SRRM4: variants seen among roughly 807,000 people sequenced by gnomAD.
SRRM4 encodes the protein serine/arginine repetitive matrix protein 4.
In SRRM4, 33 loss-of-function variants were observed where a neutral mutation model predicts 68.9. The observed-to-expected ratio is 0.48, with a 90% CI of 0.36 to 0.64. The LOEUF (loss-of-function observed/expected upper bound fraction) is 0.64, where lower values mean the gene tolerates loss of function less well. SRRM4 is among the 30% of genes least tolerant of loss of function. The pLI, the probability that SRRM4 is intolerant of heterozygous loss-of-function variation, is 0.00. For synonymous variants in SRRM4, 318 were observed against 318.8 expected, an observed-to-expected ratio of 1.00 and a Z score of 0.03; for missense variants, 817 against 827.1, an observed-to-expected ratio of 0.99 and a Z score of 0.15.
At chr12:119,074,464 G>A (rs1953896510) in intron 1 of SRRM4, among the ~76,000 whole-genome samples, 2 of 152,180 alleles carry the variant, frequency 1.3e-5, no homozygotes, top group Admixed American at 6.5e-5. Flanking sequence ...GTGCCTATAA[G>A]CCTTGTGGTA....
Position 119,154,972 on chromosome 12 carries a change from A to G in SRRM4, c.1532+589A>G, listed in dbSNP as rs1413573175. Among the ~76,000 whole-genome samples, 2 of 152,210 alleles carry G rather than the reference A, an allele frequency of 1.3e-5. No individual in the cohort carries two copies. Among genetic ancestry groups the G allele is most frequent in the East Asian group, 3.8e-4 (2 of 5,198 alleles). ...GGATGTGGATTGGAATCCTGAATGT[A>G]CCACTTTGCAGGTGACCTAGGAAAG... On this transcript the variant is annotated intron_variant, in intron 12 of 12. Coordinates refer to ENST00000267260, the MANE Select transcript of SRRM4 (RefSeq NM_194286.4). This position sits in a 1 kb window ranked among gnomAD's most constrained non-coding sequence, Gnocchi z 4.7.
rs1166466221 is a variant in SRRM4 at position 119,154,050 on chromosome 12, T to A, written c.1392-193T>A. 1.3e-5 allele frequency among the ~76,000 whole-genome samples: 2 copies of A among 151,482 alleles called. No individual in the cohort carries two copies. Among genetic ancestry groups the A allele is most frequent in the African/African-American group, 2.4e-5 (1 of 41,296 alleles). On this transcript the variant is annotated intron_variant, in intron 11 of 12. Coordinates refer to ENST00000267260, the MANE Select transcript of SRRM4 (RefSeq NM_194286.4). The surrounding 1 kb of genome is among the most constrained non-coding windows in gnomAD (Gnocchi z 4.7). Reference sequence around the variant, plus strand: ...CCTGCACAAGCCCAGCCCCCACCCCTACGGTACTAACAACCCTCGCAGACT... The same window carrying A: ...CCTGCACAAGCCCAGCCCCCACCCCAACGGTACTAACAACCCTCGCAGACT...
chr12:119,050,977 C>A (rs1953738752), intron 1 of SRRM4, among the ~76,000 whole-genome samples: 1 of 152,132 alleles, frequency 6.6e-6, no homozygotes, highest in Non-Finnish European at 1.5e-5. Flanking sequence ...AGATGTAGAC[C>A]ATCTCTGTCA....
At chr12:119,049,087 G>A (rs1280865242) in intron 1 of SRRM4, among the ~76,000 whole-genome samples, 1 of 152,226 alleles carries the variant, frequency 6.6e-6, no homozygotes, top group Non-Finnish European at 1.5e-5. Flanking sequence ...TTAAATTTTT[G>A]TGGAAGAAGA....
At chr12:119,103,253 T>A (rs1954087559) in intron 2 of SRRM4, among the ~76,000 whole-genome samples, 1 of 152,174 alleles carries the variant, frequency 6.6e-6, no homozygotes, top group Admixed American at 6.5e-5. Flanking sequence ...TTTATTTCAT[T>A]ATTATTTTTT....
intron 1 of SRRM4, among the ~76,000 whole-genome samples, chr12:118,987,036 TGA>T (rs1430049764): frequency 1.3e-5 from 2 of 152,154 alleles, no homozygotes; most frequent in African/African-American, 4.8e-5. Context: ...CGCTGAAGTG[TGA>T]GAGAATATTT....
intron 1 of SRRM4, among the ~76,000 whole-genome samples, chr12:118,986,019 C>A (rs915997823): frequency 6.6e-6 from 1 of 152,132 alleles, no homozygotes; most frequent in African/African-American, 2.4e-5. Flanking sequence ...CAGAATAGAC[C>A]AGAAGTAGAC....
intron 1 of SRRM4, among the ~76,000 whole-genome samples, chr12:119,019,426 C>T (rs1953500593): frequency 3.9e-5 from 6 of 152,036 alleles, no homozygotes. Context: ...TTAGTAACTC[C>T]CTGAAGCTTC....
At chr12:119,023,143 T>A (rs773769643) in intron 1 of SRRM4, among the ~76,000 whole-genome samples, 1 of 152,232 alleles carries the variant, frequency 6.6e-6, no homozygotes, top group Non-Finnish European at 1.5e-5. Context: ...AGGTACACTG[T>A]CTTTCCCCCA....
At chr12:119,123,485 C>T (rs1391049261) in intron 6 of SRRM4, among the ~76,000 whole-genome samples, 1 of 112,594 alleles carries the variant, frequency 8.9e-6, no homozygotes, top group Non-Finnish European at 2.0e-5. Context: ...TAGGCCCAGA[C>T]CTCAACAGCG....
At chr12:119,023,392 C>T (rs1409276892) in intron 1 of SRRM4, among the ~76,000 whole-genome samples, 1 of 152,182 alleles carries the variant, frequency 6.6e-6, no homozygotes, top group African/African-American at 2.4e-5. Flanking sequence ...CCTCCTCGAC[C>T]TAGTTTCCCT....
chr12:118,981,755 C>A lies in SRRM4; in HGVS notation c.-128C>A. 3.0e-6 allele frequency: 3 copies of A among 990,042 alleles called. No individual in the cohort carries two copies. The highest frequency in any genetic ancestry group is 1.7e-5 in the African/African-American group (1 of 60,536). 61.3% of individuals were successfully genotyped at this position (990,042 alleles called of 1,614,324 possible). ...CCCATCCCCCGCCCTGAACTCCGAT[C>A]TCTCCCACCCCACCCCTCTCTGGGT... On this transcript the variant is annotated 5_prime_UTR_variant, in exon 1 of 13. Transcript: ENST00000267260.
At chr12:119,118,082 C>T (rs12582367) in intron 4 of SRRM4, among the ~76,000 whole-genome samples, 13,167 of 152,178 alleles carry the variant, frequency 0.087, 717 homozygotes, top group East Asian at 0.25. Flanking sequence ...TATTTTCCCA[C>T]GAGCAACCAT....
At chr12:119,019,883 C>T (rs1399869502) in intron 1 of SRRM4, among the ~76,000 whole-genome samples, 3 of 151,050 alleles carry the variant, frequency 2.0e-5, no homozygotes. Flanking sequence ...AAACTACTGG[C>T]TTTGAAGCCT....
chr12:119,062,296 T>C (rs891658511), intron 1 of SRRM4, among the ~76,000 whole-genome samples: 24 of 152,188 alleles, frequency 1.6e-4, no homozygotes, highest in African/African-American at 5.8e-4. Flanking sequence ...GAGAGAATGG[T>C]GAGTGAATGT....
At chr12:119,115,153 G>C (rs1954170537) in intron 3 of SRRM4, among the ~76,000 whole-genome samples, 1 of 151,926 alleles carries the variant, frequency 6.6e-6, no homozygotes, top group African/African-American at 2.4e-5. Context: ...GGATCTACAG[G>C]GGCTTGACGC....
chr12:119,064,403 C>CA (rs914979077), intron 1 of SRRM4, among the ~76,000 whole-genome samples: 15 of 152,020 alleles, frequency 9.9e-5, no homozygotes, highest in Non-Finnish European at 1.9e-4. Context: ...TTACAATAGC[C>CA]AAAAAATGCA....
intron 1 of SRRM4, among the ~76,000 whole-genome samples, chr12:118,988,982 G>A (rs2043122102): frequency 6.6e-6 from 1 of 152,160 alleles, no homozygotes. Context: ...GATGCTTGGT[G>A]TATTTGAGAA....
At chr12:119,030,074 A>G (rs75708552) in intron 1 of SRRM4, among the ~76,000 whole-genome samples, 4,745 of 152,288 alleles carry the variant, frequency 0.031, 279 homozygotes, top group African/African-American at 0.11. Flanking sequence ...GTAACAAATG[A>G]AACGGAACAG....
Sources: allele counts gnomAD v4.1 joint callset (sites outside exome capture counted in the v4.1 genomes callset), GRCh38; gene constraint gnomAD v4.1.1; non-coding constraint Gnocchi (gnomAD v3.1); transcripts MANE v1.5; gene names NCBI Gene and HGNC (gene_info 2026-07-23, HGNC 2026-07-21).